Variants in RBFOX1 observed in about 807,000 individuals in gnomAD.
RBFOX1 encodes the protein RNA binding protein fox-1 homolog 1.
A neutral mutation model predicts 57.7 loss-of-function variants in RBFOX1; 8 were observed. The ratio of observed to expected loss-of-function variants is 0.14; its 90% CI spans 0.08 to 0.25. RBFOX1 has a LOEUF of 0.25. Ranked by LOEUF, RBFOX1 falls within the 10% of genes least tolerant of loss-of-function variation. The pLI is 1.00. For missense variants in RBFOX1, 611 were observed against 548.5 expected (o/e 1.11, Z -1.14); for synonymous variants, 326 against 222.4 (o/e 1.47, Z -4.15).
chr16:7,442,733 G>A (rs1406143792), intron 4 of RBFOX1, among the ~76,000 whole-genome samples: 2 of 152,226 alleles, frequency 1.3e-5, no homozygotes, highest in African/African-American at 2.4e-5. Flanking sequence ...CTTGTCAACC[G>A]GAACGAGAAA....
chr16:5,321,668 A>G (rs1366660058), intron 1 of RBFOX1, among the ~76,000 whole-genome samples: 1 of 152,160 alleles, frequency 6.6e-6, no homozygotes, highest in African/African-American at 2.4e-5. Context: ...ATTCTGCAGT[A>G]GATAGGGGAA....
intron 3 of RBFOX1, among the ~76,000 whole-genome samples, chr16:6,854,679 C>G (rs1243209780): frequency 1.4e-5 from 2 of 145,892 alleles, no homozygotes; most frequent in Admixed American, 7.0e-5. Context: ...ACTGCAAGCT[C>G]CGCCTCCTGG....
intron 3 of RBFOX1, among the ~76,000 whole-genome samples, chr16:6,759,605 A>G (rs1050844661): frequency 6.6e-6 from 1 of 151,778 alleles, no homozygotes; most frequent in Non-Finnish European, 1.5e-5. Context: ...TCTGTGGCAG[A>G]GCCTTTTGTT....
Position 7,025,625 on chromosome 16 carries a change from C to T in RBFOX1, c.-15-26432C>T, listed in dbSNP as rs144292639. On this transcript the variant is annotated intron_variant, in intron 3 of 15. Transcript: ENST00000550418. ...CAGAGCTAAGGAGACCTGGGCATGTCCTGGGGGGGTTTTGGATAGAGGGGG... is the reference window on the plus strand; with the variant it reads ...CAGAGCTAAGGAGACCTGGGCATGTTCTGGGGGGGTTTTGGATAGAGGGGG... 8.9e-4 allele frequency among the ~76,000 whole-genome samples: 136 copies of T among 152,172 alleles called. 1 individual carries two copies. The highest frequency in any genetic ancestry group is 3.1e-3 in the African/African-American group (130 of 41,506).
At chr16:7,312,924 C>T (rs969417347) in intron 4 of RBFOX1, among the ~76,000 whole-genome samples, 1 of 152,012 alleles carries the variant, frequency 6.6e-6, no homozygotes, top group Non-Finnish European at 1.5e-5. Context: ...CTGGGGGCCC[C>T]AGGGTGCCTG....
intron 4 of RBFOX1, among the ~76,000 whole-genome samples, chr16:7,354,578 T>G (rs190926546): frequency 4.4e-4 from 67 of 152,320 alleles, no homozygotes; most frequent in Non-Finnish European, 7.1e-4. Flanking sequence ...GCCACCAATG[T>G]GAAATGCTTA....
chr16:7,316,967 C>CACACACAG (rs1568178603), intron 4 of RBFOX1, among the ~76,000 whole-genome samples: 4 of 150,360 alleles, frequency 2.7e-5, no homozygotes, highest in Admixed American at 2.0e-4. Flanking sequence ...AGACAGAACA[C>CACACACAG]ACACACACAC....
intron 2 of RBFOX1, among the ~76,000 whole-genome samples, chr16:6,560,174 C>CAA (rs5815323): frequency 0.03 from 3,676 of 121,320 alleles, 105 homozygotes; most frequent in African/African-American, 0.067. Context: ...TGCCATTTAT[C>CAA]AAAAAAAAAA....
chr16:7,463,215 T>C (rs967624635), intron 4 of RBFOX1, among the ~76,000 whole-genome samples: 7 of 152,028 alleles, frequency 4.6e-5, no homozygotes, highest in Non-Finnish European at 7.4e-5. Flanking sequence ...TAAAAGGGCA[T>C]GAATCTAGCC....
intron 9 of RBFOX1, among the ~76,000 whole-genome samples, chr16:7,601,647 G>A (rs968675052): frequency 2.0e-5 from 3 of 151,930 alleles, no homozygotes; most frequent in African/African-American, 4.8e-5. Context: ...CCACCACCAC[G>A]AATTAACAAT....
intron 4 of RBFOX1, among the ~76,000 whole-genome samples, chr16:7,110,575 G>C (rs567037696): frequency 6.6e-6 from 1 of 152,148 alleles, no homozygotes; most frequent in African/African-American, 2.4e-5. Context: ...TAATAGCTAG[G>C]AGGGATCTCT....
intron 2 of RBFOX1, among the ~76,000 whole-genome samples, chr16:6,573,419 A>T (rs1306472071): frequency 1.3e-5 from 2 of 152,168 alleles, no homozygotes; most frequent in East Asian, 3.9e-4. Context: ...TCTCTTGAGT[A>T]AGAAAACTGC....
At chr16:7,294,241 TCCCACGC>T (rs1354718373) in intron 4 of RBFOX1, among the ~76,000 whole-genome samples, 1 of 152,094 alleles carries the variant, frequency 6.6e-6, no homozygotes, top group Non-Finnish European at 1.5e-5. Context: ...CCCTTCCTTG[TCCCACGC>T]ACTTACATTC....
chr16:6,416,804 T>A (rs1406681235), intron 2 of RBFOX1, among the ~76,000 whole-genome samples: 1 of 152,186 alleles, frequency 6.6e-6, no homozygotes, highest in Non-Finnish European at 1.5e-5. Context: ...CAGGTTGCAG[T>A]GCTGGTAATC....
intron 4 of RBFOX1, among the ~76,000 whole-genome samples, chr16:7,495,244 G>C (rs890384631): frequency 6.6e-6 from 1 of 152,146 alleles, no homozygotes; most frequent in Admixed American, 6.5e-5. Flanking sequence ...CTAATTCCAT[G>C]TCTCTGCTGT....
At chr16:5,974,000 C>G (rs911081343) in intron 4 of RBFOX1, among the ~76,000 whole-genome samples, 2 of 152,168 alleles carry the variant, frequency 1.3e-5, no homozygotes, top group African/African-American at 2.4e-5. Context: ...ATTTAACATC[C>G]TTAAAACCTC....
chr16:6,512,708 T>C (rs1278450408), intron 2 of RBFOX1, among the ~76,000 whole-genome samples: 1 of 152,104 alleles, frequency 6.6e-6, no homozygotes, highest in Non-Finnish European at 1.5e-5. Context: ...TGCTGTCTTG[T>C]GTTTTGGAGA....
At chr16:6,457,254 T>C (rs1412576892) in intron 2 of RBFOX1, among the ~76,000 whole-genome samples, 1 of 152,142 alleles carries the variant, frequency 6.6e-6, no homozygotes, top group African/African-American at 2.4e-5. Context: ...AGTGGTGTTA[T>C]GGAAGCAAAA....
chr16:7,620,520 A>T (rs1001863244), intron 10 of RBFOX1, among the ~76,000 whole-genome samples: 1 of 152,230 alleles, frequency 6.6e-6, no homozygotes, highest in Non-Finnish European at 1.5e-5. Context: ...TAGAAGATAC[A>T]TTCTGCCCAA....
Sources: gnomAD v4.1 joint callset for allele counts (sites outside exome capture counted in the v4.1 genomes callset) on GRCh38, gnomAD v4.1.1 for gene constraint, MANE v1.5 for transcripts, NCBI Gene and HGNC (gene_info 2026-07-23, HGNC 2026-07-21) for gene names.